SORBS2: variants seen among roughly 807,000 people sequenced by gnomAD.
SORBS2 encodes the protein sorbin and SH3 domain containing 2.
A neutral mutation model predicts 97.7 loss-of-function variants in SORBS2; 46 were observed. That is an observed-to-expected ratio of 0.47 (90% CI 0.37 to 0.60). The LOEUF is 0.60. SORBS2 is among the 20% of genes least tolerant of loss of function. SORBS2 has a pLI of 0.00. For missense variants in SORBS2, 1,316 were observed against 1,282.3 expected (o/e 1.03, Z -0.40); for synonymous variants, 476 against 473.4 (o/e 1.01, Z -0.07).
intron 4 of SORBS2, among the ~76,000 whole-genome samples, chr4:185,643,397 G>A (rs2097159247): frequency 1.3e-5 from 2 of 152,208 alleles, no homozygotes; most frequent in South Asian, 2.1e-4. Context: ...AGGTCAGCTG[G>A]AGCCCAGTCA....
chr4:185,687,233 G>T (rs1236977601), intron 2 of SORBS2, among the ~76,000 whole-genome samples: 1 of 152,148 alleles, frequency 6.6e-6, no homozygotes, highest in South Asian at 2.1e-4. Context: ...TCACTATGTT[G>T]CCCAGGCTTG....
chr4:185,755,250 C>G, intron 2 of SORBS2, among the ~76,000 whole-genome samples: 1 of 152,220 alleles, frequency 6.6e-6, no homozygotes, highest in Non-Finnish European at 1.5e-5. Context: ...CCTCTTCCCA[C>G]TTTGGGACTG....
At chr4:185,946,583 A>T (rs1329254653) in intron 1 of SORBS2, among the ~76,000 whole-genome samples, 1 of 152,212 alleles carries the variant, frequency 6.6e-6, no homozygotes, top group African/African-American at 2.4e-5. Context: ...TCTAATCAAA[A>T]CATCAGCAAA....
upstream of SORBS2, among the ~76,000 whole-genome samples, chr4:185,660,852 C>T (rs1379690082): frequency 6.6e-6 from 1 of 152,200 alleles, no homozygotes; most frequent in Non-Finnish European, 1.5e-5. Flanking sequence ...CCCCTCTGCT[C>T]CCTGCTGTCC....
intron 1 of SORBS2, among the ~76,000 whole-genome samples, chr4:185,890,913 G>A (rs1177522893): frequency 6.6e-6 from 1 of 151,958 alleles, no homozygotes; most frequent in South Asian, 2.1e-4. Flanking sequence ...TTATAGTATT[G>A]AACATGTTGC....
intron 3 of SORBS2, among the ~76,000 whole-genome samples, chr4:185,648,888 T>G (rs940546408): frequency 2.0e-5 from 3 of 152,206 alleles, no homozygotes; most frequent in African/African-American, 7.2e-5. Flanking sequence ...AGGTTACCTA[T>G]AAGTAGAAGT....
At chr4:185,914,272 A>G (rs2099256875) in intron 1 of SORBS2, among the ~76,000 whole-genome samples, 1 of 152,238 alleles carries the variant, frequency 6.6e-6, no homozygotes, top group Admixed American at 6.5e-5. Context: ...CTCTCCTTTC[A>G]AGTTCTGAAA....
intron 1 of SORBS2, among the ~76,000 whole-genome samples, chr4:185,847,022 G>A (rs2099214925): frequency 1.3e-5 from 2 of 152,130 alleles, no homozygotes; most frequent in South Asian, 4.2e-4. Context: ...GGGATTCTTT[G>A]GTGTGGCGGG....
intron 2 of SORBS2, among the ~76,000 whole-genome samples, chr4:185,768,756 T>C (rs1190428722): frequency 1.3e-5 from 2 of 150,938 alleles, no homozygotes; most frequent in African/African-American, 4.9e-5. Flanking sequence ...TTTAATTGAA[T>C]TTGTTTCAAA....
At chr4:185,906,330 G>A (rs536348415) in intron 1 of SORBS2, among the ~76,000 whole-genome samples, 1 of 152,162 alleles carries the variant, frequency 6.6e-6, no homozygotes, top group Non-Finnish European at 1.5e-5. Context: ...ACCACGCCTG[G>A]CCTGTTTATT....
At chr4:185,622,999 C>G in exon 7 of SORBS2, 2 of 1,614,078 alleles carry the variant, frequency 1.2e-6, no homozygotes, top group African/African-American at 1.3e-5. Flanking sequence ...GGGGCATTCT[C>G]CCGCAGTCAT....
intron 2 of SORBS2, among the ~76,000 whole-genome samples, chr4:185,703,138 A>G (rs2098289608): frequency 6.6e-6 from 1 of 152,156 alleles, no homozygotes; most frequent in African/African-American, 2.4e-5. Flanking sequence ...TTGTTTATAT[A>G]TTACATGTCT....
chr4:185,747,914 C>T (rs1363692246), intron 2 of SORBS2, among the ~76,000 whole-genome samples: 1 of 152,022 alleles, frequency 6.6e-6, no homozygotes, highest in Non-Finnish European at 1.5e-5. Flanking sequence ...TCACTTGAAC[C>T]CAGGAGGCGG....
intron 1 of SORBS2, among the ~76,000 whole-genome samples, chr4:185,828,552 C>G (rs1172147410): frequency 6.6e-6 from 1 of 151,876 alleles, no homozygotes; most frequent in African/African-American, 2.4e-5. Context: ...TATAATACAA[C>G]AAAGAAAGAA....
At chr4:185,605,430 C>A (rs115865751) in intron 12 of SORBS2, among the ~76,000 whole-genome samples, 2 of 151,966 alleles carry the variant, frequency 1.3e-5, no homozygotes, top group Non-Finnish European at 1.5e-5. Flanking sequence ...TTACAGGCAC[C>A]CAACACCATG....
intron 2 of SORBS2, among the ~76,000 whole-genome samples, chr4:185,741,148 TA>T (rs1362469483): frequency 6.6e-6 from 1 of 152,040 alleles, no homozygotes; most frequent in Non-Finnish European, 1.5e-5. Flanking sequence ...GTACCTTGAC[TA>T]AATATGACTC....
Position 185,623,831 on chromosome 4 carries a change from T to A in SORBS2, c.1298A>T (p.Asp433Val). ...TTCTAGGGTTACGGGAGACAGCATG[T>A]CATCCCCTAAATTTGGCATGGATTT... The change falls in exon 7 of 15, where the codon GAC becomes GTC. Residue 433 changes from aspartate (D) to valine (V), a missense_variant. Transcript: ENST00000418609. This position sits in a 1 kb window ranked among gnomAD's most constrained non-coding sequence, Gnocchi z 6.4. 6.2e-7 allele frequency: 1 copy of A among 1,614,190 alleles called. No individual in the cohort carries two copies. Among genetic ancestry groups the A allele is most frequent in the Non-Finnish European group, 8.5e-7 (1 of 1,180,016 alleles).
intron 12 of SORBS2, among the ~76,000 whole-genome samples, chr4:185,601,854 G>A (rs1051970521): frequency 1.3e-5 from 2 of 152,096 alleles, no homozygotes; most frequent in Non-Finnish European, 2.9e-5. Flanking sequence ...AGACTTCCTG[G>A]TGGGACCACA....
At chr4:185,731,477 CCT>C (rs2098625935) in intron 2 of SORBS2, among the ~76,000 whole-genome samples, 1 of 115,290 alleles carries the variant, frequency 8.7e-6, no homozygotes, top group Non-Finnish European at 1.9e-5. Flanking sequence ...TGTCTCTCTC[CCT>C]CCCTCCCTGC....
Sources: allele counts gnomAD v4.1 joint callset (sites outside exome capture counted in the v4.1 genomes callset), GRCh38; gene constraint gnomAD v4.1.1; non-coding constraint Gnocchi (gnomAD v3.1); transcripts MANE v1.5; gene names NCBI Gene and HGNC (gene_info 2026-07-23, HGNC 2026-07-21).